ADGRL3: variants seen among roughly 807,000 people sequenced by gnomAD.
ADGRL3 encodes the protein calcium-independent alpha-latrotoxin receptor 3.
A neutral mutation model predicts 153.5 loss-of-function variants in ADGRL3; 62 were observed. That is an observed-to-expected ratio of 0.40 (90% CI 0.33 to 0.50). The LOEUF is 0.50. Ranked by LOEUF, ADGRL3 falls within the 20% of genes least tolerant of loss-of-function variation. The probability of loss-of-function intolerance (pLI) is 0.47; values close to 1 mark genes in which losing one functional copy is unlikely to be tolerated. For missense variants in ADGRL3, 1,641 were observed against 1,859.4 expected (o/e 0.88, Z 2.16); for synonymous variants, 710 against 672.5 (o/e 1.06, Z -0.86).
At chr4:61,924,454 A>T (rs1447452408) in intron 13 of ADGRL3, among the ~76,000 whole-genome samples, 1 of 152,186 alleles carries the variant, frequency 6.6e-6, no homozygotes, top group East Asian at 1.9e-4. Flanking sequence ...CATTCTCCTG[A>T]ACTCCAGAAT....
Position 61,979,726 on chromosome 4 carries a change from T to A in ADGRL3, c.2969T>A (p.Val990Glu). The A allele has an allele frequency of 6.2e-7, 1 of 1,614,028 alleles. No homozygotes were observed. The highest frequency in any genetic ancestry group is 8.5e-7 in the Non-Finnish European group (1 of 1,179,924). The change falls in exon 18 of 27, where the codon GTA (valine) becomes GAA (glutamate). Residue 990 changes from valine (V) to glutamate (E), a missense_variant. Physicochemically the swap from Val to Glu is moderately radical, Grantham distance 121. Around this residue, in one of 5 missense-constraint regions of ADGRL3, gnomAD observed 734 missense variants for 797.0 expected, o/e 0.92. Transcript: ENST00000683033. Reference sequence around the variant, plus strand: ...AAGAACCTCTGCATCAGTCTCTTTGTAGCAGAGCTGCTCTTCCTGATTGGG... The same window carrying A: ...AAGAACCTCTGCATCAGTCTCTTTGAAGCAGAGCTGCTCTTCCTGATTGGG... ...IHKNLCISLF[V>E]AELLFLIGIN...
chr4:61,434,288 G>C (rs2097415683), intron 2 of ADGRL3, among the ~76,000 whole-genome samples: 1 of 151,922 alleles, frequency 6.6e-6, no homozygotes, highest in African/African-American at 2.4e-5. Flanking sequence ...AAAAATGCTG[G>C]CAAATTCTGT....
chr4:61,323,561 G>A (rs2095407654), intron 1 of ADGRL3, among the ~76,000 whole-genome samples: 1 of 152,066 alleles, frequency 6.6e-6, no homozygotes, highest in Non-Finnish European at 1.5e-5. Flanking sequence ...TAAGTTCAAA[G>A]TTCCACAAAT....
intron 9 of ADGRL3, among the ~76,000 whole-genome samples, chr4:61,889,116 C>T (rs2098555353): frequency 6.6e-6 from 1 of 152,168 alleles, no homozygotes; most frequent in South Asian, 2.1e-4. Flanking sequence ...ACTGAGAGCT[C>T]ATTTACTCCT....
At position 62,033,670 on chromosome 4, in the gene ADGRL3, G is replaced by T. The variant is rs544337502; in HGVS notation, c.3591+2060G>T. ...GAGATTAAGGAAAATGGTAGCATTT[G>T]CCCATGATAAAAAGGGAATATATTA... is the stretch of plus-strand genomic sequence containing the variant. On this transcript the variant is annotated intron_variant, in intron 23 of 26. Coordinates refer to ENST00000683033, the MANE Select transcript of ADGRL3 (RefSeq NM_001387552.1). Among the ~76,000 whole-genome samples, 121 of 151,812 alleles carry T rather than the reference G, an allele frequency of 8.0e-4. 1 individual carries two copies. The highest frequency in any genetic ancestry group is 2.6e-3 in the Admixed American group (39 of 15,178).
At chr4:61,950,163 C>A (rs2098941521) in intron 17 of ADGRL3, among the ~76,000 whole-genome samples, 1 of 151,968 alleles carries the variant, frequency 6.6e-6, no homozygotes, top group Non-Finnish European at 1.5e-5. Context: ...TTTAACCATA[C>A]TGTTCAGTTC....
chr4:61,433,452 C>A (rs576216698), intron 2 of ADGRL3, among the ~76,000 whole-genome samples: 1 of 152,080 alleles, frequency 6.6e-6, no homozygotes, highest in Admixed American at 6.5e-5. Flanking sequence ...TCTCACCTTA[C>A]TTAAATATCA....
chr4:61,606,570 A>G (rs894724509), intron 5 of ADGRL3, among the ~76,000 whole-genome samples: 1 of 152,156 alleles, frequency 6.6e-6, no homozygotes, highest in African/African-American at 2.4e-5. Context: ...CATCAGTCCT[A>G]TTGGACGAGG....
intron 6 of ADGRL3, among the ~76,000 whole-genome samples, chr4:61,730,041 C>T (rs1253815299): frequency 6.6e-6 from 1 of 151,844 alleles, no homozygotes; most frequent in African/African-American, 2.4e-5. Context: ...GATTCCAAAT[C>T]AATTTATTTA....
At chr4:61,474,957 C>A (rs1001358130) in intron 2 of ADGRL3, among the ~76,000 whole-genome samples, 2 of 152,142 alleles carry the variant, frequency 1.3e-5, no homozygotes, top group African/African-American at 4.8e-5. Flanking sequence ...CCCAATTGCA[C>A]AGTTACATTT....
intron 23 of ADGRL3, among the ~76,000 whole-genome samples, chr4:62,033,584 T>C (rs567091789): frequency 6.6e-6 from 1 of 151,716 alleles, no homozygotes; most frequent in East Asian, 1.9e-4. Context: ...TAGATTTGGA[T>C]AGAAGAAAGC....
chr4:61,533,184 CTT>C (rs1173971121), intron 4 of ADGRL3, among the ~76,000 whole-genome samples: 1 of 152,146 alleles, frequency 6.6e-6, no homozygotes, highest in East Asian at 1.9e-4. Flanking sequence ...CTGTGGGAGT[CTT>C]TTCAGTAAAA....
chr4:61,492,776 A>G (rs2098271882), intron 2 of ADGRL3, among the ~76,000 whole-genome samples: 1 of 152,064 alleles, frequency 6.6e-6, no homozygotes. Context: ...CAAGTAGTTG[A>G]TGAGGGAAGA....
At chr4:61,606,094 G>T (rs1006646905) in intron 5 of ADGRL3, among the ~76,000 whole-genome samples, 25 of 152,116 alleles carry the variant, frequency 1.6e-4, no homozygotes, top group Admixed American at 2.0e-4. Flanking sequence ...TCATAGAGAG[G>T]TTGGAATCTT....
intron 17 of ADGRL3, among the ~76,000 whole-genome samples, chr4:61,975,266 C>A (rs2099044049): frequency 6.6e-6 from 1 of 152,032 alleles, no homozygotes. Context: ...TCAGAAAAAA[C>A]CCTCTGTGAG....
chr4:61,428,930 T>TATC (rs2097321620), intron 2 of ADGRL3, among the ~76,000 whole-genome samples: 1 of 146,668 alleles, frequency 6.8e-6, no homozygotes, highest in Non-Finnish European at 1.5e-5. Context: ...TCTATCTATC[T>TATC]ATCTATCTAT....
At chr4:61,867,408 G>C (rs2098407073) in intron 9 of ADGRL3, among the ~76,000 whole-genome samples, 1 of 150,862 alleles carries the variant, frequency 6.6e-6, no homozygotes, top group Admixed American at 6.6e-5. Context: ...TCTGAGGCGG[G>C]AGGATCACTT....
At chr4:61,391,702 G>T (rs2096804563) in intron 2 of ADGRL3, among the ~76,000 whole-genome samples, 1 of 151,142 alleles carries the variant, frequency 6.6e-6, no homozygotes, top group Non-Finnish European at 1.5e-5. Context: ...TATTTATGGT[G>T]CCATTTTTAT....
Position 61,890,155 on chromosome 4 carries a change from G to A in ADGRL3, c.1481-2501G>A, listed in dbSNP as rs150600667. On this transcript the variant is annotated intron_variant, in intron 9 of 26. Transcript: ENST00000683033. ...AACTAAAGAAGACAAAGAAGAAATA[G>A]CAATGCTTTGTTTGAAACAAAAACT... is the stretch of plus-strand genomic sequence containing the variant. Among the ~76,000 whole-genome samples, 120 of 152,210 alleles carry A rather than the reference G, an allele frequency of 7.9e-4. 2 individuals carry two copies. In the Middle Eastern group the frequency reaches 0.014, roughly 17 times the overall value.
Sources: allele counts gnomAD v4.1 joint callset (sites outside exome capture counted in the v4.1 genomes callset), GRCh38; gene constraint gnomAD v4.1.1; regional missense constraint gnomAD v4.1.1; transcripts MANE v1.5; gene names NCBI Gene and HGNC (gene_info 2026-07-23, HGNC 2026-07-21).